The following PPP3CA variants were observed in gnomAD, a reference collection of about 807,000 sequenced individuals.
The protein encoded by PPP3CA is protein phosphatase 3 catalytic subunit alpha, also known as CAM-PRP catalytic subunit.
Under a neutral mutation model 66.5 loss-of-function variants are expected in PPP3CA, and 14 were observed. The observed-to-expected ratio is 0.21, with a 90% CI of 0.14 to 0.33. The LOEUF (loss-of-function observed/expected upper bound fraction) is 0.33, where lower values mean the gene tolerates loss of function less well. Among genes scored for constraint, PPP3CA ranks in the 10% least tolerant of loss-of-function variants. The pLI is 1.00. For missense variants in PPP3CA, 317 were observed against 639.5 expected (o/e 0.50, Z 5.44); for synonymous variants, 232 against 226.2 (o/e 1.03, Z -0.23).
chr4:101,035,416 T>C (rs1324338635), intron 11 of PPP3CA, among the ~76,000 whole-genome samples: 6 of 152,236 alleles, frequency 3.9e-5, no homozygotes, highest in African/African-American at 1.4e-4. Flanking sequence ...GTATTCTTTT[T>C]AATCTTCAAA....
intron 2 of PPP3CA, among the ~76,000 whole-genome samples, chr4:101,174,304 A>G (rs1723985529): frequency 6.6e-6 from 1 of 152,176 alleles, no homozygotes. Context: ...ATGTATTTTC[A>G]AGGAAGTGAA....
At chr4:101,140,609 T>C (rs116229517) in intron 2 of PPP3CA, among the ~76,000 whole-genome samples, 6,046 of 152,300 alleles carry the variant, frequency 0.04, 199 homozygotes, top group Middle Eastern at 0.11. Context: ...CTAATATGTT[T>C]ATATTTTTAC....
Position 101,289,194 on chromosome 4 carries a change from G to A in PPP3CA, c.58+57545C>T, listed in dbSNP as rs543567332. Among the ~76,000 whole-genome samples, 4 of 152,148 alleles carry A rather than the reference G, an allele frequency of 2.6e-5. No individual in the cohort carries two copies. In the East Asian group the frequency reaches 5.8e-4, roughly 22 times the overall value. ...AAAAATAACTCTACAGATAAAATTT[G>A]CATTTTATTTTGCACATTTCCTTCA... On this transcript the variant is annotated intron_variant, in intron 1 of 13. Transcript: ENST00000394854.
In PPP3CA at chr4:101,106,374, AAAG is replaced by A. The variant is rs1730678301; in HGVS notation, c.384+2577_384+2579del. 5.2e-3 allele frequency among the ~76,000 whole-genome samples: 8 copies of A among 1,536 alleles called. No homozygotes were observed. The South Asian group carries it at 0.065, about 13-fold the overall frequency. The allele number at this position is 1,536 out of a possible 152,430, so 1.0% of individuals were successfully genotyped here. On this transcript the variant is annotated intron_variant, in intron 3 of 13. Coordinates refer to ENST00000394854, the MANE Select transcript of PPP3CA (RefSeq NM_000944.5). The stretch of plus-strand genomic sequence containing the variant: ...GACCCTGTCTCATTTAAAAGAGAGA[AAAG>A]AAAGAAAGAAAGAAAGAAAGAAAGA...
At chr4:101,041,582 C>A (rs577558771) in intron 10 of PPP3CA, among the ~76,000 whole-genome samples, 52 of 151,822 alleles carry the variant, frequency 3.4e-4, no homozygotes, top group Non-Finnish European at 5.6e-4. Context: ...CAGGCATGTG[C>A]CACCAGGCCC....
chr4:101,171,508 A>G (rs1156881660), intron 2 of PPP3CA, among the ~76,000 whole-genome samples: 1 of 152,160 alleles, frequency 6.6e-6, no homozygotes, highest in African/African-American at 2.4e-5. Flanking sequence ...GCACTGTTCT[A>G]AACTGTTTCC....
chr4:101,054,409 A>G (rs77448279), intron 10 of PPP3CA, among the ~76,000 whole-genome samples: 1 of 152,216 alleles, frequency 6.6e-6, no homozygotes, highest in East Asian at 1.9e-4. Context: ...ACTATTTGAA[A>G]GTAATGATTT....
At chr4:101,313,914 A>G (rs554932809) in intron 1 of PPP3CA, among the ~76,000 whole-genome samples, 81 of 152,372 alleles carry the variant, frequency 5.3e-4, no homozygotes, top group Non-Finnish European at 9.0e-4. Flanking sequence ...TAGTGAACAT[A>G]TAAGAAAATG....
chr4:101,023,920 T>A lies in PPP3CA; in HGVS notation c.*1945A>T, dbSNP rs1726499225. The stretch of plus-strand genomic sequence containing the variant: ...GAAGCGTGGGTATACAAATTTCTTG[T>A]TAATACAAATGCAACTCTTTTCTGT... On this transcript the variant is annotated 3_prime_UTR_variant, in exon 14 of 14. Transcript: ENST00000394854. The A allele has an allele frequency of 6.6e-6, 1 of 152,664 alleles. No individual in the cohort carries two copies. The highest frequency in any genetic ancestry group is 1.5e-5 in the Non-Finnish European group (1 of 68,048). 9.5% of individuals were successfully genotyped at this position (152,664 alleles called of 1,614,324 possible). A position where few individuals can be genotyped will look rare whatever the true frequency, so the allele number is the denominator to read the frequency against.
chr4:101,097,536 T>C (rs555559995), intron 5 of PPP3CA, among the ~76,000 whole-genome samples: 8 of 152,254 alleles, frequency 5.3e-5, no homozygotes, highest in Admixed American at 2.0e-4. Flanking sequence ...AGTAATATTA[T>C]TTTAAAATGA....
chr4:101,086,384 T>C (rs796864890), intron 6 of PPP3CA, among the ~76,000 whole-genome samples: 1 of 151,946 alleles, frequency 6.6e-6, no homozygotes. Context: ...GGTAGAAAAA[T>C]TGGCTTGGCA....
At position 101,321,450 on chromosome 4, in the gene PPP3CA, C is replaced by T. The variant is rs143550530; in HGVS notation, c.58+25289G>A. Among the ~76,000 whole-genome samples the T allele has an allele frequency of 1.9e-3, 285 of 152,306 alleles. 1 individual carries two copies. Among genetic ancestry groups the T allele is most frequent in the African/African-American group, 6.5e-3 (270 of 41,586 alleles). ...CATCACTAAAACAATGAAAAGCAAT[C>T]CTTGCCCTCAAGGCTTAAAAAATAT... is the stretch of plus-strand genomic sequence containing the variant. On this transcript the variant is annotated intron_variant, in intron 1 of 13. Transcript: ENST00000394854.
At chr4:101,054,168 T>A (rs1363895630) in intron 10 of PPP3CA, among the ~76,000 whole-genome samples, 1 of 148,848 alleles carries the variant, frequency 6.7e-6, no homozygotes, top group African/African-American at 2.5e-5. Context: ...CCCCCTAAAC[T>A]GTACAGGCTA....
intron 2 of PPP3CA, among the ~76,000 whole-genome samples, chr4:101,168,210 CTG>C (rs1435277221): frequency 1.3e-4 from 20 of 152,178 alleles, no homozygotes; most frequent in Admixed American, 1.2e-3. Flanking sequence ...TTCAGACAGA[CTG>C]TGTACAGGAT....
rs1553937788 is a variant in PPP3CA at position 101,278,136 on chromosome 4, A to AAAAAAAAT, written c.58+68602_58+68603insATTTTTTT. On this transcript the variant is annotated intron_variant, in intron 1 of 13. Transcript: ENST00000394854. ...AAAGCTATTAGTAAAAAAAAAAAAA[A>AAAAAAAAT]AAATAAAAAAATTAAAAAGTTATTT... is the stretch of plus-strand genomic sequence containing the variant. Among the ~76,000 whole-genome samples the AAAAAAAAT allele has an allele frequency of 3.1e-3, 452 of 145,888 alleles. 5 individuals are homozygous for AAAAAAAAT. The highest frequency in any genetic ancestry group is 0.012 in the African/African-American group (424 of 36,732).
In PPP3CA at chr4:101,106,434, AAAGAAAGAAAG is replaced by A. The variant is rs1730705400; in HGVS notation, c.384+2509_384+2519del. Among the ~76,000 whole-genome samples the A allele has an allele frequency of 3.7e-4, 5 of 13,678 alleles. 2 individuals are homozygous for A. The highest frequency in any genetic ancestry group is 1.3e-3 in the African/African-American group (5 of 3,906). 9.0% of individuals were successfully genotyped at this position (13,678 alleles called of 152,430 possible). A position where few individuals can be genotyped will look rare whatever the true frequency, so the allele number is the denominator to read the frequency against. On this transcript the variant is annotated intron_variant, in intron 3 of 13. Coordinates refer to ENST00000394854, the MANE Select transcript of PPP3CA (RefSeq NM_000944.5). Reference sequence around the variant, plus strand: ...GAAAGAAAGAAAGAAAGAAAGAAAGAAAGAAAGAAAGAAAGAAAGAGAAAAGAAAAGAAAAG... The same window carrying A: ...GAAAGAAAGAAAGAAAGAAAGAAAGAAAAGAAAGAGAAAAGAAAAGAAAAG...
intron 1 of PPP3CA, among the ~76,000 whole-genome samples, chr4:101,230,212 G>A (rs940639691): frequency 1.3e-5 from 2 of 151,346 alleles, no homozygotes; most frequent in African/African-American, 2.4e-5. Flanking sequence ...TTTTTAATAT[G>A]TCAACCAGAT....
At chr4:101,092,177 A>G (rs1490840109) in intron 6 of PPP3CA, among the ~76,000 whole-genome samples, 3 of 152,108 alleles carry the variant, frequency 2.0e-5, no homozygotes, top group African/African-American at 7.2e-5. Flanking sequence ...TGTAAAAATT[A>G]TTATAAAAAT....
At chr4:101,103,271 T>G (rs747591154) in intron 3 of PPP3CA, among the ~76,000 whole-genome samples, 4 of 152,160 alleles carry the variant, frequency 2.6e-5, no homozygotes, top group Non-Finnish European at 5.9e-5. Flanking sequence ...AATCAGCTCT[T>G]TAAAGTAACT....
Sources: gnomAD v4.1 joint callset for allele counts (sites outside exome capture counted in the v4.1 genomes callset) on GRCh38, gnomAD v4.1.1 for gene constraint, MANE v1.5 for transcripts, NCBI Gene and HGNC (gene_info 2026-07-23, HGNC 2026-07-21) for gene names.